The following ATR variants were observed in gnomAD, a reference collection of about 807,000 sequenced individuals.
The protein encoded by ATR is ATR checkpoint kinase.
ATR carries 142 observed loss-of-function variants against 305.3 expected under a neutral mutation model. The observed-to-expected ratio is 0.47, with a 90% confidence interval of 0.41 to 0.53. ATR has a LOEUF of 0.53. Ranked by LOEUF, ATR falls within the 20% of genes least tolerant of loss-of-function variation. ATR has a pLI of 0.00. For synonymous variants in ATR, 1,050 were observed against 1,068.1 expected (o/e 0.98, Z 0.33); for missense variants, 2,135 against 3,133.1 (o/e 0.68, Z 7.60).
chr3:142,499,852 AAAT>A (rs1415079064), intron 30 of ATR, 134 bp from the exon 31 acceptor site: 3 of 743,198 alleles, frequency 4.0e-6, no homozygotes, highest in Non-Finnish European at 6.4e-6. Flanking sequence ...CTTAGATATA[AAAT>A]AATTATCTCT....
intron 23 of ATR, among the ~76,000 whole-genome samples, chr3:142,521,579 CA>C (rs1184332031): frequency 6.6e-6 from 1 of 152,120 alleles, no homozygotes; most frequent in East Asian, 1.9e-4. Context: ...CATGAGAAGT[CA>C]AAATATCTAT....
In ATR at chr3:142,538,409, C is replaced by A. The variant is rs1170854370; in HGVS notation, c.3725+73G>T. On this transcript the variant is annotated intron_variant, in intron 19 of 46. Transcript: ENST00000350721. ...CAAAAAAGTGACAGTTTCCACATTACCATCAGTAATTTTGAGACATAAAAA... is the reference window on the plus strand; with the variant it reads ...CAAAAAAGTGACAGTTTCCACATTAACATCAGTAATTTTGAGACATAAAAA... The A allele has an allele frequency of 6.7e-6, 10 of 1,496,494 alleles. No homozygotes were observed. The East Asian group carries it at 2.1e-4, about 31-fold the overall frequency. The allele number at this position is 1,496,494 out of a possible 1,614,324, so 92.7% of individuals were successfully genotyped here. A position where few individuals can be genotyped will look rare whatever the true frequency, so the allele number is the denominator to read the frequency against.
Position 142,512,242 on chromosome 3 carries a change from ACAG to A in ATR, c.4852+15_4852+17del. ...AGCTAAAAAAAAAAAAAAAAAAGAAACAGAAGTGATAACTCACCCATTGAGTCT... is the reference window on the plus strand; with the variant it reads ...AGCTAAAAAAAAAAAAAAAAAAGAAAAAGTGATAACTCACCCATTGAGTCT... On this transcript the variant is annotated intron_variant, in intron 27 of 46. Transcript: ENST00000350721. The A allele has an allele frequency of 6.3e-7, 1 of 1,592,120 alleles. No homozygotes were observed. The highest frequency in any genetic ancestry group is 8.6e-7 in the Non-Finnish European group (1 of 1,166,086).
At chr3:142,457,250 G>C (rs2070927417) in intron 45 of ATR, among the ~76,000 whole-genome samples, 1 of 152,236 alleles carries the variant, frequency 6.6e-6, no homozygotes, top group African/African-American at 2.4e-5. Flanking sequence ...TAAATCCATA[G>C]AGACAGAAAA....
At chr3:142,525,750 A>G (rs9843148) in intron 21 of ATR, among the ~76,000 whole-genome samples, 117,338 of 152,040 alleles carry the variant, frequency 0.77, 46,391 homozygotes, top group African/African-American at 0.94. Context: ...ATTTGAGAGT[A>G]TGGCACTCCT....
intron 27 of ATR, among the ~76,000 whole-genome samples, chr3:142,511,502 A>C (rs1040135297): frequency 6.6e-6 from 1 of 151,990 alleles, no homozygotes; most frequent in East Asian, 1.9e-4. Context: ...CTAAAAATAC[A>C]AAAATTAGCT....
chr3:142,578,327 C>G (rs2035506988), intron 1 of ATR, among the ~76,000 whole-genome samples: 1 of 152,144 alleles, frequency 6.6e-6, no homozygotes, highest in South Asian at 2.1e-4. Flanking sequence ...AGAAAAGTGA[C>G]CAGAAAGCGA....
Position 142,469,336 on chromosome 3 carries a change from C to T in ATR, c.6552+1G>A, listed in dbSNP as rs1401657772. 1 of 1,610,512 alleles carries T rather than the reference C, an allele frequency of 6.2e-7. No individual in the cohort carries two copies. The highest frequency in any genetic ancestry group is 1.7e-5 in the Admixed American group (1 of 59,912). On this transcript the variant is annotated splice_donor_variant, in intron 38 of 46. Coordinates refer to ENST00000350721, the MANE Select transcript of ATR (RefSeq NM_001184.4). LOFTEE classifies it high-confidence loss of function. ...TATAAAAAGGTAAAAGACCCTTTTA[C>T]CTTTGACACAGCTGTCATCATCCAC...
chr3:142,578,712 C>G lies in ATR; in HGVS notation c.-8G>C, dbSNP rs1392852823. The G allele has an allele frequency of 1.2e-6, 2 of 1,612,908 alleles. No individual in the cohort carries two copies. On this transcript the variant is annotated 5_prime_UTR_variant, in exon 1 of 47. Coordinates refer to ENST00000350721, the MANE Select transcript of ATR (RefSeq NM_001184.4). ...CAGGCCATGTTCCCCCATGCTGAGGCTGCGAGGCACTAGTCAACCACGCCA... is the reference window on the plus strand; with the variant it reads ...CAGGCCATGTTCCCCCATGCTGAGGGTGCGAGGCACTAGTCAACCACGCCA...
intron 34 of ATR, among the ~76,000 whole-genome samples, chr3:142,494,899 A>T (rs370464035): frequency 7.9e-5 from 12 of 152,366 alleles, no homozygotes; most frequent in East Asian, 7.7e-4. Context: ...AGATCCTAAA[A>T]TGGTTGTTAA....
chr3:142,523,226 A>G (rs925387245), intron 22 of ATR, among the ~76,000 whole-genome samples: 3 of 152,020 alleles, frequency 2.0e-5, no homozygotes. Context: ...TCAAGACCAG[A>G]CTGGCCAATA....
Position 142,529,507 on chromosome 3 carries a change from C to T in ATR, c.3946-5308G>A, listed in dbSNP as rs1053356822. Reference sequence around the variant, plus strand: ...ATTGTTGTTTTAGTCTTATATATTTCGTTAAATACATAAACAGTAACCATC... The same window carrying T: ...ATTGTTGTTTTAGTCTTATATATTTTGTTAAATACATAAACAGTAACCATC... On this transcript the variant is annotated intron_variant, in intron 21 of 46. Coordinates refer to ENST00000350721, the MANE Select transcript of ATR (RefSeq NM_001184.4). Among the ~76,000 whole-genome samples the T allele has an allele frequency of 3.3e-5, 5 of 152,202 alleles. No homozygotes were observed. The East Asian group carries it at 5.8e-4, about 18-fold the overall frequency.
In ATR at chr3:142,558,763, A is replaced by G. The variant is rs889485390; in HGVS notation, c.1746T>C (p.Phe582=). Residue 582 remains phenylalanine (F), a synonymous_variant, in exon 8 of 47, where the codon TTT becomes TTC. Transcript: ENST00000350721. ...ATAAATCTTCCAGGATATGATCTTCAAATGAACTGTTTACTACAGAAGCAC... is the reference window on the plus strand; with the variant it reads ...ATAAATCTTCCAGGATATGATCTTCGAATGAACTGTTTACTACAGAAGCAC... ...ALIYMQVNSS[F]EDHILEDLCG... is the part of the protein sequence containing the mutation. 2 of 1,608,958 alleles carry G rather than the reference A, an allele frequency of 1.2e-6. No homozygotes were observed. The highest frequency in any genetic ancestry group is 1.7e-6 in the Non-Finnish European group (2 of 1,176,368).
At chr3:142,543,097 GAAGA>G (rs2034116137) in intron 16 of ATR, among the ~76,000 whole-genome samples, 1 of 152,114 alleles carries the variant, frequency 6.6e-6, no homozygotes, top group African/African-American at 2.4e-5. Context: ...GAGAGGAAAA[GAAGA>G]AAGAAAAGAA....
At chr3:142,462,846 G>A (rs1170080452) in intron 41 of ATR, among the ~76,000 whole-genome samples, 6 of 152,018 alleles carry the variant, frequency 3.9e-5, no homozygotes, top group Admixed American at 1.3e-4. Context: ...CTCCTCTTGC[G>A]GTTTATCACA....
At position 142,497,147 on chromosome 3, in the gene ATR, G is replaced by T. The variant is rs2108336622; in HGVS notation, c.5604C>A (p.Phe1868Leu). The T allele has an allele frequency of 6.2e-7, 1 of 1,614,038 alleles. No homozygotes were observed. The highest frequency in any genetic ancestry group is 8.5e-7 in the Non-Finnish European group (1 of 1,180,002). ...CELEHSIKPL[F>L]QHSPGDSSQE... ...GAGAACTGTCACCTGGAGAATGCTG[G>T]AAAAGTGGTTTGATGCTATGCTCCA... is the stretch of plus-strand genomic sequence containing the variant. Residue 1868 changes from phenylalanine to leucine, a missense_variant, in exon 33 of 47, where the codon TTC (phenylalanine) becomes TTA (leucine). Phe to Leu is a conservative substitution (Grantham distance 22). Coordinates refer to ENST00000350721, the MANE Select transcript of ATR (RefSeq NM_001184.4).
chr3:142,562,151 A>AT, intron 4 of ATR, 81 bp downstream of exon 4: 1 of 1,337,638 alleles, frequency 7.5e-7, no homozygotes, highest in Non-Finnish European at 1.0e-6. Flanking sequence ...CTATTTTCTT[A>AT]TTATTACATT....
At chr3:142,572,348 C>T (rs1054006315) in intron 1 of ATR, among the ~76,000 whole-genome samples, 10 of 134,882 alleles carry the variant, frequency 7.4e-5, no homozygotes, top group African/African-American at 2.5e-4. Context: ...GGATTATCGG[C>T]GTGAGCCACC....
Position 142,513,557 on chromosome 3 carries a change from GAAGA to G in ATR, c.4581_4584del (p.Leu1528PhefsTer28). The G allele has an allele frequency of 6.2e-7, 1 of 1,613,044 alleles. No homozygotes were observed. The highest frequency in any genetic ancestry group is 8.5e-7 in the Non-Finnish European group (1 of 1,179,168). ...AAGACATACACCAGAATATGTGGAA[GAAGA>G]TAGATGGTCACTTTGAAATCATGCT... On this transcript the variant is annotated frameshift_variant, in exon 26 of 47. Transcript: ENST00000350721. LOFTEE classifies it high-confidence loss of function.
Sources: gnomAD v4.1 joint callset for allele counts (sites outside exome capture counted in the v4.1 genomes callset) on GRCh38, gnomAD v4.1.1 for gene constraint, MANE v1.5 for transcripts, NCBI Gene and HGNC (gene_info 2026-07-23, HGNC 2026-07-21) for gene names.